The following TMEM232 variants were observed in gnomAD, a reference collection of about 807,000 sequenced individuals.
The protein encoded by TMEM232 is transmembrane protein 232.
TMEM232 carries 80 observed loss-of-function variants against 78.8 expected under a neutral mutation model. The observed-to-expected ratio is 1.01, with a 90% confidence interval of 0.85 to 1.22. The LOEUF is 1.22. TMEM232 is among the 50% of genes most tolerant of loss of function. The pLI, the probability that TMEM232 is intolerant of heterozygous loss-of-function variation, is 0.00. For missense variants in TMEM232, 881 were observed against 742.2 expected, an observed-to-expected ratio of 1.19 and a Z score of -2.17; for synonymous variants, 297 against 254.3, an observed-to-expected ratio of 1.17 and a Z score of -1.60.
intron 1 of TMEM232, among the ~76,000 whole-genome samples, chr5:110,679,440 A>C (rs190132564): frequency 6.6e-6 from 1 of 152,116 alleles, no homozygotes; most frequent in East Asian, 1.9e-4. Flanking sequence ...TTATCGAATG[A>C]GTCTTTTGCA....
At chr5:110,646,815 T>G (rs1432098539) in intron 2 of TMEM232, among the ~76,000 whole-genome samples, 1 of 151,726 alleles carries the variant, frequency 6.6e-6, no homozygotes, top group Non-Finnish European at 1.5e-5. Context: ...CCAAAATATT[T>G]AAGAAACTAA....
At chr5:110,738,471 C>A (rs1298283472), upstream of TMEM232, among the ~76,000 whole-genome samples, 1 of 152,114 alleles carries the variant, frequency 6.6e-6, no homozygotes, top group Non-Finnish European at 1.5e-5. Context: ...CCCCGACGTG[C>A]ACTTCAACTT....
At chr5:110,597,180 T>A (rs10073114) in intron 10 of TMEM232, among the ~76,000 whole-genome samples, 32,387 of 151,858 alleles carry the variant, frequency 0.21, 5,085 homozygotes, top group African/African-American at 0.45. Flanking sequence ...CAGGATACAA[T>A]ATCAATGTAC....
At chr5:110,519,248 T>C (rs925598637) in intron 12 of TMEM232, among the ~76,000 whole-genome samples, 4 of 152,126 alleles carry the variant, frequency 2.6e-5, no homozygotes, top group African/African-American at 9.7e-5. Flanking sequence ...CTTCCAACAA[T>C]CAAAACAGAA....
At chr5:110,616,193 CAAA>C (rs1345914026) in intron 8 of TMEM232, among the ~76,000 whole-genome samples, 1 of 151,946 alleles carries the variant, frequency 6.6e-6, no homozygotes, top group Admixed American at 6.6e-5. Context: ...CTATAGTAAT[CAAA>C]ACAGCACGGC....
chr5:110,720,774 G>A (rs1450033004), intron 1 of TMEM232: 1 of 152,064 alleles, frequency 6.6e-6, no homozygotes, highest in Non-Finnish European at 1.5e-5. Flanking sequence ...TTGACTGAGT[G>A]CTTTGTGCTA....
chr5:110,412,300 A>G (rs1015950751), intron 2 of TMEM232, among the ~76,000 whole-genome samples: 1 of 152,214 alleles, frequency 6.6e-6, no homozygotes, highest in Non-Finnish European at 1.5e-5. Flanking sequence ...GAACAATCCT[A>G]TCCCTTGAAA....
chr5:110,450,841 A>G (rs1241125995), intron 12 of TMEM232, among the ~76,000 whole-genome samples: 1 of 152,148 alleles, frequency 6.6e-6, no homozygotes, highest in East Asian at 1.9e-4. Flanking sequence ...GTTCTCATCA[A>G]AAGAGTTAAG....
chr5:110,457,798 T>C (rs1397987675), intron 12 of TMEM232, among the ~76,000 whole-genome samples: 1 of 152,048 alleles, frequency 6.6e-6, no homozygotes, highest in Non-Finnish European at 1.5e-5. Flanking sequence ...GCAAATAAGA[T>C]TTTCTGATGG....
chr5:110,643,918 T>A (rs534176676), intron 2 of TMEM232, among the ~76,000 whole-genome samples: 1 of 152,146 alleles, frequency 6.6e-6, no homozygotes, highest in South Asian at 2.1e-4. Context: ...CTTTAACTGC[T>A]ATTTTTTAAA....
At chr5:110,654,040 T>A (rs1436194956) in intron 2 of TMEM232, among the ~76,000 whole-genome samples, 1 of 152,172 alleles carries the variant, frequency 6.6e-6, no homozygotes, top group East Asian at 1.9e-4. Flanking sequence ...ACAGTAAATA[T>A]GAGAGGAGAT....
intron 8 of TMEM232, among the ~76,000 whole-genome samples, chr5:110,615,746 T>C (rs533744490): frequency 1.3e-5 from 2 of 152,086 alleles, no homozygotes; most frequent in South Asian, 2.1e-4. Flanking sequence ...AAAATGTTTA[T>C]AAAAGCTAAC....
At chr5:110,471,003 C>T (rs1025796160) in intron 12 of TMEM232, among the ~76,000 whole-genome samples, 8 of 152,054 alleles carry the variant, frequency 5.3e-5, no homozygotes, top group African/African-American at 1.9e-4. Flanking sequence ...ACCAGGAAAA[C>T]TATTCATGAT....
chr5:110,480,181 A>C (rs771900341), intron 12 of TMEM232, among the ~76,000 whole-genome samples: 2 of 151,906 alleles, frequency 1.3e-5, no homozygotes, highest in Non-Finnish European at 2.9e-5. Flanking sequence ...CTTCAGTGTT[A>C]CTTAAATAAA....
chr5:110,568,320 A>G (rs557229960), intron 11 of TMEM232, 127 bp downstream of exon 11: 2 of 952,664 alleles, frequency 2.1e-6, no homozygotes, highest in African/African-American at 3.4e-5. Context: ...AGTTTTAAAA[A>G]TATTATTCTC....
At chr5:110,496,613 T>C (rs139352889) in intron 12 of TMEM232, among the ~76,000 whole-genome samples, 69 of 152,142 alleles carry the variant, frequency 4.5e-4, no homozygotes, top group Non-Finnish European at 7.4e-4. Flanking sequence ...ATGTCTCAGA[T>C]GAGAGGACAC....
At chr5:110,569,617 T>C (rs1776714537) in intron 10 of TMEM232, among the ~76,000 whole-genome samples, 2 of 151,882 alleles carry the variant, frequency 1.3e-5, no homozygotes, top group Non-Finnish European at 2.9e-5. Flanking sequence ...TTGATGATTA[T>C]TGCCCTTCTT....
rs1313757783 is a variant in TMEM232 at position 110,419,606 on chromosome 5, G to A, written c.*974C>T. 1.3e-5 allele frequency among the ~76,000 whole-genome samples: 2 copies of A among 152,036 alleles called. No individual in the cohort carries two copies. Among genetic ancestry groups the A allele is most frequent in the African/African-American group, 4.8e-5 (2 of 41,416 alleles). On this transcript the variant is annotated 3_prime_UTR_variant, in exon 14 of 14. Transcript: ENST00000455884. ...ACATTTTGGAATGTAACCGAGTGATGGGAAATTTCTCTATATGGGATAGGT... is the reference window on the plus strand; with the variant it reads ...ACATTTTGGAATGTAACCGAGTGATAGGAAATTTCTCTATATGGGATAGGT...
chr5:110,653,997 G>A (rs886189353), intron 2 of TMEM232, among the ~76,000 whole-genome samples: 33 of 152,156 alleles, frequency 2.2e-4, no homozygotes, highest in African/African-American at 8.0e-4. Flanking sequence ...GTTTGATGAA[G>A]CCCAGAGTTA....
Sources: gnomAD v4.1 joint callset for allele counts (sites outside exome capture counted in the v4.1 genomes callset) on GRCh38, gnomAD v4.1.1 for gene constraint, MANE v1.5 for transcripts, NCBI Gene and HGNC (gene_info 2026-07-23, HGNC 2026-07-21) for gene names.